The following DLG2 variants were observed in gnomAD, a reference collection of about 807,000 sequenced individuals.
DLG2 encodes disks large homolog 2.
Under a neutral mutation model 132.5 loss-of-function variants are expected in DLG2, and 45 were observed. The ratio of observed to expected loss-of-function variants is 0.34; its 90% CI spans 0.27 to 0.44. The LOEUF (loss-of-function observed/expected upper bound fraction) is 0.44, where lower values mean the gene tolerates loss of function less well. Among genes scored for constraint, DLG2 ranks in the 20% least tolerant of loss-of-function variants. The pLI is 1.00. For synonymous variants in DLG2, 424 were observed against 419.6 expected (o/e 1.01, Z -0.13); for missense variants, 1,045 against 1,196.9 (o/e 0.87, Z 1.87).
At chr11:85,089,648 T>C (rs1258386391) in intron 6 of DLG2, among the ~76,000 whole-genome samples, 2 of 152,174 alleles carry the variant, frequency 1.3e-5, no homozygotes, top group African/African-American at 4.8e-5. Flanking sequence ...ATATACTCAA[T>C]AAAGGGATTG....
At chr11:83,625,370 A>G (rs73507159) in intron 19 of DLG2, among the ~76,000 whole-genome samples, 231 of 152,326 alleles carry the variant, frequency 1.5e-3, no homozygotes, top group African/African-American at 5.1e-3. Flanking sequence ...ACTCTTCTTT[A>G]TCATCCCCAG....
intron 7 of DLG2, among the ~76,000 whole-genome samples, chr11:84,534,150 C>A (rs1280140221): frequency 2.0e-5 from 3 of 152,114 alleles, no homozygotes; most frequent in African/African-American, 7.2e-5. Context: ...ACAATTCACA[C>A]ATTTTCCTTT....
intron 6 of DLG2, among the ~76,000 whole-genome samples, chr11:84,972,973 T>C (rs2054319170): frequency 6.6e-6 from 1 of 151,904 alleles, no homozygotes; most frequent in African/African-American, 2.4e-5. Context: ...TCTTTTTTTT[T>C]TGAGACAGAG....
chr11:83,775,712 G>A (rs980272498), intron 18 of DLG2, among the ~76,000 whole-genome samples: 3 of 142,974 alleles, frequency 2.1e-5, no homozygotes, highest in Non-Finnish European at 4.5e-5. Flanking sequence ...TAAGTTCATT[G>A]TCATTATTCT....
At chr11:84,234,179 C>T (rs1241499390) in intron 8 of DLG2, among the ~76,000 whole-genome samples, 1 of 152,164 alleles carries the variant, frequency 6.6e-6, no homozygotes, top group Non-Finnish European at 1.5e-5. Flanking sequence ...ATGCAAGACC[C>T]TGAAAGGATG....
At chr11:83,532,513 C>T (rs1405076293) in intron 21 of DLG2, among the ~76,000 whole-genome samples, 195 bp downstream of exon 21, 1 of 152,122 alleles carries the variant, frequency 6.6e-6, no homozygotes, top group East Asian at 1.9e-4. Flanking sequence ...CAGCTTTACT[C>T]CCAGTGTTTA....
intron 6 of DLG2, among the ~76,000 whole-genome samples, chr11:84,966,570 T>C (rs17147845): frequency 6.6e-6 from 1 of 152,094 alleles, no homozygotes; most frequent in Non-Finnish European, 1.5e-5. Context: ...GGCTCTGGCA[T>C]AGTCTTGGCA....
At chr11:85,267,646 A>T (rs902461804) in intron 4 of DLG2, among the ~76,000 whole-genome samples, 3 of 149,054 alleles carry the variant, frequency 2.0e-5, no homozygotes, top group Non-Finnish European at 3.0e-5. Flanking sequence ...TCAGTTATTT[A>T]AAAAAAAAAG....
chr11:84,306,669 ATGGGGCAATTATTTG>A (rs1482000470), intron 7 of DLG2, among the ~76,000 whole-genome samples: 1 of 152,170 alleles, frequency 6.6e-6, no homozygotes, highest in Non-Finnish European at 1.5e-5. Flanking sequence ...TGTGCAGTAC[ATGGGGCAATTATTTG>A]TGGGGCAAGA....
chr11:83,747,170 CCAGT>C (rs1385463103), intron 18 of DLG2, among the ~76,000 whole-genome samples: 1 of 152,048 alleles, frequency 6.6e-6, no homozygotes, highest in Non-Finnish European at 1.5e-5. Flanking sequence ...TTACCTGCAG[CCAGT>C]ATCATACTTC....
intron 7 of DLG2, among the ~76,000 whole-genome samples, chr11:84,442,074 T>C (rs2099018932): frequency 6.6e-6 from 1 of 152,222 alleles, no homozygotes; most frequent in African/African-American, 2.4e-5. Context: ...TTTGTTCTTT[T>C]TGGCTGGGAT....
At chr11:84,706,455 T>A (rs1308183455) in intron 6 of DLG2, among the ~76,000 whole-genome samples, 1 of 151,784 alleles carries the variant, frequency 6.6e-6, no homozygotes, top group Non-Finnish European at 1.5e-5. Context: ...TTCTGAGTGA[T>A]ACATTGAAAC....
chr11:84,036,525 G>C (rs867325117), intron 11 of DLG2, among the ~76,000 whole-genome samples: 13 of 151,974 alleles, frequency 8.6e-5, no homozygotes, highest in Middle Eastern at 6.3e-3. Context: ...GAATACAAAT[G>C]GCAGCAAAAC....
intron 6 of DLG2, among the ~76,000 whole-genome samples, chr11:85,040,500 G>A (rs968581447): frequency 2.6e-5 from 4 of 151,966 alleles, no homozygotes; most frequent in Non-Finnish European, 5.9e-5. Context: ...CCAGTGACCA[G>A]AGAGTGAGGT....
intron 3 of DLG2, among the ~76,000 whole-genome samples, chr11:85,423,790 C>A (rs1228265284): frequency 6.6e-6 from 1 of 152,186 alleles, no homozygotes. Flanking sequence ...CCCCCACCAA[C>A]AGAACTGAGT....
intron 6 of DLG2, among the ~76,000 whole-genome samples, chr11:85,101,224 C>T (rs1005115477): frequency 2.0e-5 from 3 of 152,046 alleles, no homozygotes; most frequent in Non-Finnish European, 4.4e-5. Context: ...AATTTCCATA[C>T]ACCTGCTCTC....
At chr11:85,341,585 G>A (rs372941789) in intron 3 of DLG2, among the ~76,000 whole-genome samples, 7 of 152,096 alleles carry the variant, frequency 4.6e-5, no homozygotes, top group Admixed American at 2.6e-4. Context: ...CTGTACCTTA[G>A]TCCCGATCTT....
At position 84,025,548 on chromosome 11, in the gene DLG2, G is replaced by A. The variant is rs2095515727; in HGVS notation, c.919+33767C>T. The stretch of plus-strand genomic sequence containing the variant: ...TATATAGAAATACTCACTAATAAAT[G>A]TTTTATTATGGTATCATGATTTATT... On this transcript the variant is annotated intron_variant, in intron 11 of 27. Transcript: ENST00000376104. 2.0e-5 allele frequency among the ~76,000 whole-genome samples: 3 copies of A among 152,070 alleles called. No individual in the cohort carries two copies. The South Asian group carries it at 6.2e-4, about 31-fold the overall frequency.
intron 7 of DLG2, chr11:84,273,204 T>G: frequency 3.2e-6 from 5 of 1,575,186 alleles, no homozygotes; most frequent in Non-Finnish European, 4.3e-6. Context: ...GAAGCAATAG[T>G]ATCCCACAAA....
Sources: gnomAD v4.1 joint callset for allele counts (sites outside exome capture counted in the v4.1 genomes callset) on GRCh38, gnomAD v4.1.1 for gene constraint, MANE v1.5 for transcripts, NCBI Gene and HGNC (gene_info 2026-07-23, HGNC 2026-07-21) for gene names.